Variants in ELAPOR1 observed in about 807,000 individuals in gnomAD.
ELAPOR1 encodes the protein endosome-lysosome associated apoptosis and autophagy regulator 1.
A neutral mutation model predicts 119.7 loss-of-function variants in ELAPOR1; 77 were observed. The observed-to-expected ratio is 0.64, with a 90% CI of 0.54 to 0.78. ELAPOR1 has a LOEUF of 0.78. Ranked by LOEUF, ELAPOR1 falls within the 30% of genes least tolerant of loss-of-function variation. The pLI, the probability that ELAPOR1 is intolerant of heterozygous loss-of-function variation, is 0.00. For synonymous variants in ELAPOR1, 481 were observed against 487.2 expected (o/e 0.99, Z 0.17); for missense variants, 1,115 against 1,270.4 (o/e 0.88, Z 1.86).
chr1:109,196,881 C>T (rs2101130316), intron 15 of ELAPOR1, among the ~76,000 whole-genome samples: 1 of 152,310 alleles, frequency 6.6e-6, no homozygotes, highest in African/African-American at 2.4e-5. Flanking sequence ...CGGGGTTTCA[C>T]CACGTTGGCC....
intron 21 of ELAPOR1, 93 bp downstream of exon 21, chr1:109,200,993 TG>T (rs1247728149): frequency 4.1e-6 from 5 of 1,226,736 alleles, no homozygotes; most frequent in Non-Finnish European, 5.7e-6. Context: ...CGTTCAGGGA[TG>T]GGCACCCTGC....
At chr1:109,123,808 C>CT (rs1475349722) in intron 1 of ELAPOR1, among the ~76,000 whole-genome samples, 2 of 151,930 alleles carry the variant, frequency 1.3e-5, no homozygotes, top group Admixed American at 6.6e-5. Flanking sequence ...TAAATATATA[C>CT]TTTTTTTTGA....
At chr1:109,179,409 CAAAAAA>C (rs773712424) in intron 7 of ELAPOR1, among the ~76,000 whole-genome samples, 1 of 50,448 alleles carries the variant, frequency 2.0e-5, no homozygotes. Flanking sequence ...ACTCTGTCTC[CAAAAAA>C]AAAAAAAAAA....
At chr1:109,140,787 T>A (rs894231617) in intron 1 of ELAPOR1, among the ~76,000 whole-genome samples, 1 of 152,208 alleles carries the variant, frequency 6.6e-6, no homozygotes, top group Non-Finnish European at 1.5e-5. Flanking sequence ...TGTCCAGAAT[T>A]TATGAAATAT....
chr1:109,166,730 G>A (rs1651623153), intron 3 of ELAPOR1, among the ~76,000 whole-genome samples: 1 of 152,124 alleles, frequency 6.6e-6, no homozygotes, highest in African/African-American at 2.4e-5. Flanking sequence ...TATGGGCAAG[G>A]CAACACTGGG....
chr1:109,133,230 A>G (rs1413270260), intron 1 of ELAPOR1, among the ~76,000 whole-genome samples: 1 of 152,150 alleles, frequency 6.6e-6, no homozygotes, highest in Admixed American at 6.5e-5. Context: ...ACCTTGTCTC[A>G]AAGAAAAAAA....
chr1:109,160,597 C>T (rs1208513598), intron 1 of ELAPOR1, among the ~76,000 whole-genome samples: 1 of 152,202 alleles, frequency 6.6e-6, no homozygotes. Flanking sequence ...ATTAGATTAG[C>T]AAACTTCAAA....
At position 109,141,551 on chromosome 1, in the gene ELAPOR1, G is replaced by A. The variant is rs144156601; in HGVS notation, c.154-20343G>A. On this transcript the variant is annotated intron_variant, in intron 1 of 21. Coordinates refer to ENST00000369939, the MANE Select transcript of ELAPOR1 (RefSeq NM_020775.5). ...GCTGGGATTACAGGAGTGAGCCACCGCCCAGCCCAAAGTATTATTTTAAAA... is the reference window on the plus strand; with the variant it reads ...GCTGGGATTACAGGAGTGAGCCACCACCCAGCCCAAAGTATTATTTTAAAA... 1.5e-3 allele frequency among the ~76,000 whole-genome samples: 227 copies of A among 152,088 alleles called. 5 individuals carry two copies. In the South Asian group the frequency reaches 0.028, roughly 19 times the overall value.
intron 1 of ELAPOR1, among the ~76,000 whole-genome samples, chr1:109,153,502 A>G (rs1434081987): frequency 1.3e-5 from 2 of 152,246 alleles, no homozygotes; most frequent in East Asian, 1.9e-4. Context: ...AAACAAAACT[A>G]TATACCATAT....
At chr1:109,144,271 C>A (rs1017362499) in intron 1 of ELAPOR1, among the ~76,000 whole-genome samples, 1 of 150,370 alleles carries the variant, frequency 6.7e-6, no homozygotes, top group Non-Finnish European at 1.5e-5. Flanking sequence ...AGGCTGGTCT[C>A]GAACTCCCAA....
chr1:109,177,993 G>GT (rs1297975912), intron 7 of ELAPOR1, among the ~76,000 whole-genome samples: 1 of 147,074 alleles, frequency 6.8e-6, no homozygotes, highest in Non-Finnish European at 1.5e-5. Flanking sequence ...TGAGAAGTGA[G>GT]TTTTTTCTTT....
At chr1:109,156,329 A>C (rs1165304533) in intron 1 of ELAPOR1, among the ~76,000 whole-genome samples, 1 of 152,172 alleles carries the variant, frequency 6.6e-6, no homozygotes, top group East Asian at 1.9e-4. Context: ...TTGTGGTAAA[A>C]TACACATAAT....
chr1:109,142,684 C>G lies in ELAPOR1; in HGVS notation c.154-19210C>G, dbSNP rs550041351. Among the ~76,000 whole-genome samples, 29 of 152,256 alleles carry G rather than the reference C, an allele frequency of 1.9e-4. No individual in the cohort carries two copies. The South Asian group carries it at 5.4e-3, about 28-fold the overall frequency. The stretch of plus-strand genomic sequence containing the variant: ...GGTTGAGGATGTGGAGAAATTGGAG[C>G]CTTCATACATTGCTGGTGGGAATAT... On this transcript the variant is annotated intron_variant, in intron 1 of 21. Transcript: ENST00000369939.
chr1:109,189,458 C>T (rs603285), intron 10 of ELAPOR1, 134 bp from the exon 11 acceptor site: 635,266 of 852,220 alleles, frequency 0.75, 244,197 homozygotes, highest in East Asian at 1. Flanking sequence ...GGATAAGTAA[C>T]ACGGTTCATG....
chr1:109,176,617 T>C (rs1570689405), intron 7 of ELAPOR1, among the ~76,000 whole-genome samples: 1 of 149,612 alleles, frequency 6.7e-6, no homozygotes, highest in South Asian at 2.1e-4. Flanking sequence ...TTTTTTTTTT[T>C]TTTTTTAATT....
chr1:109,119,702 G>A (rs574851329), intron 1 of ELAPOR1, among the ~76,000 whole-genome samples: 10 of 152,114 alleles, frequency 6.6e-5, no homozygotes, highest in African/African-American at 1.7e-4. Flanking sequence ...AATATTCCAC[G>A]ATTTAAAAAT....
At chr1:109,143,301 C>CTA (rs910073612) in intron 1 of ELAPOR1, among the ~76,000 whole-genome samples, 3 of 152,118 alleles carry the variant, frequency 2.0e-5, no homozygotes, top group African/African-American at 7.2e-5. Flanking sequence ...ACTGATCATG[C>CTA]TATAGTATGT....
In ELAPOR1 at chr1:109,145,549, G is replaced by A. The variant is rs1004683714; in HGVS notation, c.154-16345G>A. 5.9e-5 allele frequency among the ~76,000 whole-genome samples: 9 copies of A among 152,168 alleles called. No homozygotes were observed. The East Asian group carries it at 7.7e-4, about 13-fold the overall frequency. On this transcript the variant is annotated intron_variant, in intron 1 of 21. Transcript: ENST00000369939. ...TGCGCACTTGTGGTCTCAGCTACTC[G>A]GGAGGCTGAGGCAGGAGAATCACTT...
At chr1:109,189,935 C>A (rs1006648962) in intron 11 of ELAPOR1, among the ~76,000 whole-genome samples, 2 of 152,076 alleles carry the variant, frequency 1.3e-5, no homozygotes, top group Middle Eastern at 3.4e-3. Context: ...ACGTGCTATT[C>A]AAATTCTTCC....
Sources: gnomAD v4.1 joint callset for allele counts (sites outside exome capture counted in the v4.1 genomes callset) on GRCh38, gnomAD v4.1.1 for gene constraint, MANE v1.5 for transcripts, NCBI Gene and HGNC (gene_info 2026-07-23, HGNC 2026-07-21) for gene names.